The following PRKG1 variants were observed in gnomAD, a reference collection of about 807,000 sequenced individuals.
The protein encoded by PRKG1 is protein kinase cGMP-dependent 1.
PRKG1 carries 35 observed loss-of-function variants against 88.1 expected under a neutral mutation model. The ratio of observed to expected loss-of-function variants is 0.40; its 90% CI spans 0.30 to 0.53. PRKG1 has a LOEUF of 0.53. Ranked by LOEUF, PRKG1 falls within the 20% of genes least tolerant of loss-of-function variation. The probability of loss-of-function intolerance (pLI) is 0.59; values close to 1 mark genes in which losing one functional copy is unlikely to be tolerated. For synonymous variants in PRKG1, 303 were observed against 292.5 expected (o/e 1.04, Z -0.37); for missense variants, 540 against 839.8 (o/e 0.64, Z 4.41).
chr10:51,354,520 A>AT (rs1054972894), intron 2 of PRKG1, among the ~76,000 whole-genome samples: 2 of 152,142 alleles, frequency 1.3e-5, no homozygotes, highest in African/African-American at 4.8e-5. Context: ...TTAAAATATC[A>AT]TTTTCCCATA....
chr10:51,680,289 A>AT (rs920315695), intron 3 of PRKG1, among the ~76,000 whole-genome samples: 44 of 143,542 alleles, frequency 3.1e-4, no homozygotes, highest in Non-Finnish European at 5.1e-4. Flanking sequence ...AAGTATAATA[A>AT]AAAAAAAAAA....
chr10:51,507,860 A>G, intron 3 of PRKG1, among the ~76,000 whole-genome samples: 1 of 152,182 alleles, frequency 6.6e-6, no homozygotes, highest in East Asian at 1.9e-4. Context: ...TCTATAGCTT[A>G]CAGTTTATTC....
rs193073831 is a variant in PRKG1 at position 51,983,023 on chromosome 10, C to T, written c.763-71461C>T. On this transcript the variant is annotated intron_variant, in intron 5 of 17. Coordinates refer to ENST00000373980, the MANE Select transcript of PRKG1 (RefSeq NM_006258.4). ...GCACTGGTGGCCTCTTTGTGTGCTG[C>T]GGGCCCTCTTTGTGTGCTGTCTTTG... Among the ~76,000 whole-genome samples, 300 of 152,050 alleles carry T rather than the reference C, an allele frequency of 2.0e-3. 1 individual carries two copies. Among genetic ancestry groups the T allele is most frequent in the African/African-American group, 2.6e-3 (108 of 41,476 alleles).
At chr10:51,348,617 A>G (rs1008313564) in intron 2 of PRKG1, among the ~76,000 whole-genome samples, 1 of 152,234 alleles carries the variant, frequency 6.6e-6, no homozygotes, top group Non-Finnish European at 1.5e-5. Context: ...TGTCTCTCTT[A>G]GCAGGTGATA....
chr10:51,271,769 A>G (rs761004642), intron 2 of PRKG1, among the ~76,000 whole-genome samples: 2 of 152,184 alleles, frequency 1.3e-5, no homozygotes, highest in Admixed American at 6.5e-5. Context: ...ATGGCTGCAT[A>G]GTATTCCATG....
At chr10:51,420,265 T>A (rs969774963) in intron 2 of PRKG1, among the ~76,000 whole-genome samples, 1 of 152,130 alleles carries the variant, frequency 6.6e-6, no homozygotes, top group African/African-American at 2.4e-5. Context: ...AGTATTACTA[T>A]CTGAATAGAC....
intron 1 of PRKG1, among the ~76,000 whole-genome samples, chr10:51,005,913 A>G (rs1233753277): frequency 6.6e-6 from 1 of 152,196 alleles, no homozygotes; most frequent in Non-Finnish European, 1.5e-5. Context: ...CTCAGGAATA[A>G]TGAGGGGATA....
intron 3 of PRKG1, among the ~76,000 whole-genome samples, chr10:51,666,911 C>A (rs1312650786): frequency 6.6e-6 from 1 of 152,120 alleles, no homozygotes; most frequent in East Asian, 1.9e-4. Context: ...TTTCCCGCCT[C>A]AGCCTCCTGA....
In PRKG1 at chr10:52,081,596, G is replaced by A; in HGVS notation, c.935+18965G>A. 8.8e-6 allele frequency: 4 copies of A among 456,520 alleles called. 1 individual carries two copies. The Middle Eastern group carries it at 1.3e-3, about 148-fold the overall frequency. 28.3% of individuals were successfully genotyped at this position (456,520 alleles called of 1,614,324 possible). ...CTTACCATATGCCATGTACGATGTA[G>A]GCATTTGGGAAATACTGATGGAGAA... On this transcript the variant is annotated intron_variant, in intron 7 of 17. Coordinates refer to ENST00000373980, the MANE Select transcript of PRKG1 (RefSeq NM_006258.4).
At chr10:51,917,212 A>G (rs1002852013) in intron 5 of PRKG1, among the ~76,000 whole-genome samples, 2 of 151,688 alleles carry the variant, frequency 1.3e-5, no homozygotes, top group African/African-American at 4.9e-5. Context: ...CTACCTACTC[A>G]GGAGGCTGAG....
intron 4 of PRKG1, among the ~76,000 whole-genome samples, chr10:51,810,178 A>T (rs1589307849): frequency 6.6e-6 from 1 of 152,298 alleles, no homozygotes. Flanking sequence ...TTTACATTAT[A>T]TTTTCAATAC....
intron 4 of PRKG1, among the ~76,000 whole-genome samples, chr10:51,808,738 G>T (rs1276125604): frequency 6.6e-6 from 1 of 152,082 alleles, no homozygotes; most frequent in Admixed American, 6.6e-5. Flanking sequence ...AATAAAACTT[G>T]CATCTACATT....
chr10:52,166,798 C>CATATATATGTATATATATGT (rs1564498376), intron 9 of PRKG1, among the ~76,000 whole-genome samples: 6 of 96,772 alleles, frequency 6.2e-5, no homozygotes, highest in African/African-American at 3.3e-4. Context: ...TATATATATA[C>CATATATATGTATATATATGT]ATATATATAT....
At chr10:51,561,881 A>G (rs1564550717) in intron 3 of PRKG1, among the ~76,000 whole-genome samples, 1 of 151,972 alleles carries the variant, frequency 6.6e-6, no homozygotes. Context: ...TTTTTTTCAA[A>G]TAGTGCTACT....
intron 3 of PRKG1, among the ~76,000 whole-genome samples, chr10:51,799,841 C>T (rs1012685331): frequency 6.6e-6 from 1 of 151,878 alleles, no homozygotes; most frequent in Non-Finnish European, 1.5e-5. Flanking sequence ...TGTCATGGAC[C>T]TATTTGTCAG....
At position 52,118,470 on chromosome 10, in the gene PRKG1, A is replaced by G. The variant is rs1009251063; in HGVS notation, c.936-15370A>G. The stretch of plus-strand genomic sequence containing the variant: ...ATATGTGTTTATATTTTATATATAT[A>G]CAATATTTTAAGACCTTTAAAATGC... On this transcript the variant is annotated intron_variant, in intron 7 of 17. Transcript: ENST00000373980. Among the ~76,000 whole-genome samples the G allele has an allele frequency of 2.0e-5, 3 of 152,128 alleles. No individual in the cohort carries two copies. In the East Asian group the frequency reaches 5.8e-4, roughly 29 times the overall value.
chr10:51,517,357 G>A (rs545016635), intron 3 of PRKG1, among the ~76,000 whole-genome samples: 1 of 152,172 alleles, frequency 6.6e-6, no homozygotes, highest in Non-Finnish European at 1.5e-5. Flanking sequence ...CTTTCTTCTG[G>A]GTATGGGAAA....
chr10:51,799,614 G>C (rs192752685), intron 3 of PRKG1, among the ~76,000 whole-genome samples: 1 of 151,852 alleles, frequency 6.6e-6, no homozygotes, highest in Non-Finnish European at 1.5e-5. Flanking sequence ...AGGAGATACT[G>C]GGGGAAAGGC....
chr10:51,708,607 C>A (rs1841667703), intron 3 of PRKG1, among the ~76,000 whole-genome samples: 1 of 152,208 alleles, frequency 6.6e-6, no homozygotes. Flanking sequence ...TCTCCTATTT[C>A]TCTCTCTAGT....
Sources: allele counts gnomAD v4.1 joint callset (sites outside exome capture counted in the v4.1 genomes callset), GRCh38; gene constraint gnomAD v4.1.1; transcripts MANE v1.5; gene names NCBI Gene and HGNC (gene_info 2026-07-23, HGNC 2026-07-21).